Variants in CRACD observed in about 807,000 individuals in gnomAD.
CRACD encodes capping protein-inhibiting regulator of actin dynamics.
CRACD carries 56 observed loss-of-function variants against 106.8 expected under a neutral mutation model. The ratio of observed to expected loss-of-function variants is 0.52; its 90% CI spans 0.42 to 0.66. The LOEUF is 0.66. Among genes scored for constraint, CRACD ranks in the 30% least tolerant of loss-of-function variants. CRACD has a pLI of 0.00. For synonymous variants in CRACD, 754 were observed against 670.8 expected (o/e 1.12, Z -1.92); for missense variants, 1,730 against 1,623.2 (o/e 1.07, Z -1.13).
At chr4:56,136,793 G>C (rs1735015655) in intron 1 of CRACD, among the ~76,000 whole-genome samples, 1 of 151,892 alleles carries the variant, frequency 6.6e-6, no homozygotes, top group Non-Finnish European at 1.5e-5. Context: ...TTTAAGTTTT[G>C]TGCTTTTTAA....
rs766342310 is a variant in CRACD, at chr4:56,315,033, G to A, written c.1531G>A (p.Ala511Thr). ...GCCTCCGGTGGAGAGGAAAGAAGCC[G>A]CCGCCCTTGAACAAGGCCGCAAGGT... ...AQPPVERKEAAALEQGRKVEE... is the reference protein window; with the variant it reads ...AQPPVERKEATALEQGRKVEE... Residue 511 changes from alanine (A) to threonine (T), a missense_variant, in exon 8 of 11, where the codon GCC (alanine) becomes ACC (threonine). Physicochemically the swap from Ala to Thr is moderately conservative, Grantham distance 58. Around this residue, in one of 5 missense-constraint regions of CRACD, gnomAD observed 1,620 missense variants for 1,481.6 expected, o/e 1.09. Transcript: ENST00000682029. This position sits in a 1 kb window ranked among gnomAD's most constrained non-coding sequence, Gnocchi z 4.1. 3.4e-5 allele frequency: 54 copies of A among 1,597,936 alleles called. No homozygotes were observed. The highest frequency in any genetic ancestry group is 4.5e-5 in the East Asian group (2 of 44,256).
intron 1 of CRACD, among the ~76,000 whole-genome samples, chr4:56,166,524 T>C (rs528417917): frequency 1.3e-4 from 19 of 151,660 alleles, no homozygotes; most frequent in Admixed American, 2.6e-4. Flanking sequence ...CTACTAAAAA[T>C]ACAAAATTAG....
chr4:56,158,596 C>G (rs143819445), intron 1 of CRACD, among the ~76,000 whole-genome samples: 1 of 152,116 alleles, frequency 6.6e-6, no homozygotes, highest in Non-Finnish European at 1.5e-5. Flanking sequence ...AGACCGCCAG[C>G]CTGATATTTG....
intron 1 of CRACD, among the ~76,000 whole-genome samples, chr4:56,106,823 A>G (rs1733961489): frequency 6.6e-6 from 1 of 152,200 alleles, no homozygotes. Context: ...TTTACTAGAA[A>G]AGCACACGGC....
In CRACD at chr4:56,257,538, A is replaced by AG. The variant is rs1452687634; in HGVS notation, c.-188-14783_-188-14782insG. ...ACTTGTCTCTACAGAAAAAAAAAAA[A>AG]AAAAAAATTAGCTGGGCTTGGTGGC... On this transcript the variant is annotated intron_variant, in intron 2 of 10. Coordinates refer to ENST00000682029, the MANE Select transcript of CRACD (RefSeq NM_001393381.1). 8.0e-4 allele frequency among the ~76,000 whole-genome samples: 121 copies of AG among 151,976 alleles called. 1 individual carries two copies. Among genetic ancestry groups the AG allele is most frequent in the Middle Eastern group, 6.8e-3 (2 of 294 alleles).
chr4:56,096,574 C>T lies in CRACD; in HGVS notation c.-336+47275C>T, dbSNP rs1055748326. On this transcript the variant is annotated intron_variant, in intron 1 of 10. Coordinates refer to ENST00000682029, the MANE Select transcript of CRACD (RefSeq NM_001393381.1). ...CCAAAAAATGCAAAAATTAGCTGCACGTGGTGGAGTGCACCTATAGTAGAT... is the reference window on the plus strand; with the variant it reads ...CCAAAAAATGCAAAAATTAGCTGCATGTGGTGGAGTGCACCTATAGTAGAT... Among the ~76,000 whole-genome samples, 7 of 151,770 alleles carry T rather than the reference C, an allele frequency of 4.6e-5. No homozygotes were observed. The East Asian group carries it at 7.7e-4, about 17-fold the overall frequency.
chr4:56,303,209 C>G (rs1744470401), intron 4 of CRACD, among the ~76,000 whole-genome samples: 2 of 152,226 alleles, frequency 1.3e-5, no homozygotes, highest in African/African-American at 4.8e-5. Flanking sequence ...GCAGGACGTG[C>G]AGGCATGTGC....
chr4:56,200,779 A>T (rs1737846890), intron 2 of CRACD, among the ~76,000 whole-genome samples: 2 of 152,204 alleles, frequency 1.3e-5, no homozygotes, highest in African/African-American at 4.8e-5. Context: ...CTGCCCGCAC[A>T]GTGTAGTATT....
chr4:56,306,325 C>G (rs1744691541), intron 4 of CRACD, among the ~76,000 whole-genome samples: 1 of 152,054 alleles, frequency 6.6e-6, no homozygotes, highest in Non-Finnish European at 1.5e-5. Context: ...GAAACCCCAT[C>G]TCTACAAAAA....
intron 8 of CRACD, among the ~76,000 whole-genome samples, chr4:56,318,672 G>C (rs993013417): frequency 3.9e-5 from 6 of 152,116 alleles, no homozygotes; most frequent in Non-Finnish European, 4.4e-5. Flanking sequence ...TTCCTGATTC[G>C]ATACAGAAAT....
intron 2 of CRACD, among the ~76,000 whole-genome samples, chr4:56,220,006 A>G (rs1738942131): frequency 6.6e-6 from 1 of 152,234 alleles, no homozygotes; most frequent in South Asian, 2.1e-4. Context: ...GTTGAAAGAA[A>G]TACAAGAAAG....
At chr4:56,076,919 T>A (rs1220780149) in intron 1 of CRACD, among the ~76,000 whole-genome samples, 4 of 152,224 alleles carry the variant, frequency 2.6e-5, no homozygotes, top group African/African-American at 4.8e-5. Context: ...GGTTTTTTTT[T>A]AAACACCTAA....
At chr4:56,317,775 G>A (rs1173666859) in intron 8 of CRACD, among the ~76,000 whole-genome samples, 2 of 51,202 alleles carry the variant, frequency 3.9e-5, no homozygotes, top group African/African-American at 1.5e-4. Flanking sequence ...CCCTCACCCA[G>A]CTCACCACTG....
intron 1 of CRACD, among the ~76,000 whole-genome samples, chr4:56,082,082 G>A (rs1356999277): frequency 6.6e-6 from 1 of 152,220 alleles, no homozygotes; most frequent in Non-Finnish European, 1.5e-5. Context: ...TTTGATAGTG[G>A]CTCTGCAGAA....
At chr4:56,308,276 A>G (rs1393558785) in intron 5 of CRACD, among the ~76,000 whole-genome samples, 1 of 152,078 alleles carries the variant, frequency 6.6e-6, no homozygotes, top group Non-Finnish European at 1.5e-5. Context: ...AAGAGTACCT[A>G]GTCTGGAAAG....
chr4:56,161,742 G>A (rs1735963929), intron 1 of CRACD, among the ~76,000 whole-genome samples: 1 of 145,054 alleles, frequency 6.9e-6, no homozygotes, highest in Admixed American at 7.0e-5. Context: ...TTACAGGCAT[G>A]AGCCACTGCA....
chr4:56,207,745 CATATATATATATATATAT>C lies in CRACD; in HGVS notation c.-189+28332_-189+28349del, dbSNP rs58423475. 4.0e-4 allele frequency among the ~76,000 whole-genome samples: 43 copies of C among 106,174 alleles called. No homozygotes were observed. The South Asian group carries it at 0.01, about 25-fold the overall frequency. The allele number at this position is 106,174 out of a possible 152,430, so 69.7% of individuals were successfully genotyped here. A position where few individuals can be genotyped will look rare whatever the true frequency, so the allele number is the denominator to read the frequency against. On this transcript the variant is annotated intron_variant, in intron 2 of 10. Transcript: ENST00000682029. ...GATACATTTTTAAAACTTGTTTTCT[CATATATATATATATATAT>C]ATATATATATATATATGCTTATTTT...
Position 56,251,318 on chromosome 4 carries a change from G to A in CRACD, c.-188-21003G>A, listed in dbSNP as rs1324640544. 2.6e-5 allele frequency among the ~76,000 whole-genome samples: 4 copies of A among 152,140 alleles called. No individual in the cohort carries two copies. In the East Asian group the frequency reaches 5.8e-4, roughly 22 times the overall value. On this transcript the variant is annotated intron_variant, in intron 2 of 10. Transcript: ENST00000682029. ...GTTAGCTTAACTTTTCTGGTCTCAC[G>A]TAGAAATCAAATAGTGGCTTCACTG...
chr4:56,109,735 G>T (rs1054282079), intron 1 of CRACD, among the ~76,000 whole-genome samples: 1 of 150,652 alleles, frequency 6.6e-6, no homozygotes, highest in Admixed American at 6.6e-5. Context: ...ATAAGTAAAT[G>T]AAAAAAAGTA....
Sources: allele counts gnomAD v4.1 joint callset (sites outside exome capture counted in the v4.1 genomes callset), GRCh38; gene constraint gnomAD v4.1.1; regional missense constraint gnomAD v4.1.1; non-coding constraint Gnocchi (gnomAD v3.1); transcripts MANE v1.5; gene names NCBI Gene and HGNC (gene_info 2026-07-23, HGNC 2026-07-21).